Variants in MDGA2 observed in about 807,000 individuals in gnomAD.
The protein encoded by MDGA2 is MAM domain-containing glycosylphosphatidylinositol anchor protein 2.
A neutral mutation model predicts 117.8 loss-of-function variants in MDGA2; 40 were observed. The ratio of observed to expected loss-of-function variants is 0.34; its 90% CI spans 0.26 to 0.44. MDGA2 has a LOEUF of 0.44. MDGA2 is among the 20% of genes least tolerant of loss of function. The probability of loss-of-function intolerance (pLI) is 1.00; values close to 1 mark genes in which losing one functional copy is unlikely to be tolerated. For missense variants in MDGA2, 1,123 were observed against 1,250.6 expected, an observed-to-expected ratio of 0.90 and a Z score of 1.54; for synonymous variants, 452 against 439.0, an observed-to-expected ratio of 1.03 and a Z score of -0.37.
At chr14:47,223,229 A>C (rs1267345733) in intron 2 of MDGA2, among the ~76,000 whole-genome samples, 2 of 152,192 alleles carry the variant, frequency 1.3e-5, no homozygotes, top group Non-Finnish European at 2.9e-5. Context: ...ATAAAATTCA[A>C]GTTAAGGTGG....
At chr14:47,219,001 C>G (rs1298548011) in intron 2 of MDGA2, among the ~76,000 whole-genome samples, 1 of 151,830 alleles carries the variant, frequency 6.6e-6, no homozygotes, top group African/African-American at 2.4e-5. Context: ...GTGTATAAAA[C>G]CTGAATAAAA....
chr14:47,288,847 T>C (rs1888778040), intron 2 of MDGA2, among the ~76,000 whole-genome samples: 1 of 152,140 alleles, frequency 6.6e-6, no homozygotes, highest in South Asian at 2.1e-4. Context: ...TTTCCTTGTG[T>C]AGTATAAGTT....
At chr14:47,450,374 G>C (rs1191571789) in intron 1 of MDGA2, among the ~76,000 whole-genome samples, 1 of 151,910 alleles carries the variant, frequency 6.6e-6, no homozygotes, top group Non-Finnish European at 1.5e-5. Flanking sequence ...TCACAGATCA[G>C]ACTTAAATGA....
chr14:47,444,044 T>C (rs1893069722), intron 1 of MDGA2: 1 of 153,452 alleles, frequency 6.5e-6, no homozygotes, highest in African/African-American at 2.4e-5. Context: ...GAAGTACACG[T>C]TTATTTTACT....
intron 1 of MDGA2, among the ~76,000 whole-genome samples, chr14:47,466,550 C>G (rs1189902083): frequency 6.6e-6 from 1 of 152,090 alleles, no homozygotes; most frequent in African/African-American, 2.4e-5. Context: ...ATTCCAGCCT[C>G]TCTGTGACAA....
intron 1 of MDGA2, among the ~76,000 whole-genome samples, chr14:47,491,053 TAGATAGATAAACAA>T (rs1275175069): frequency 2.0e-5 from 3 of 152,140 alleles, no homozygotes; most frequent in African/African-American, 7.2e-5. Flanking sequence ...GATAGAGGAT[TAGATAGATAAACAA>T]ATCTAATCAC....
intron 4 of MDGA2, among the ~76,000 whole-genome samples, chr14:47,134,774 A>T (rs928580538): frequency 1.3e-4 from 19 of 141,688 alleles, no homozygotes; most frequent in African/African-American, 4.5e-4. Context: ...ACACACACAC[A>T]CACTATATAT....
intron 1 of MDGA2, among the ~76,000 whole-genome samples, chr14:47,624,118 C>T (rs1897098258): frequency 6.6e-6 from 1 of 152,152 alleles, no homozygotes; most frequent in African/African-American, 2.4e-5. Context: ...AAAATATGTG[C>T]TCACAACGTA....
intron 1 of MDGA2, among the ~76,000 whole-genome samples, chr14:47,620,769 G>T (rs1348542173): frequency 6.6e-6 from 1 of 152,126 alleles, no homozygotes; most frequent in African/African-American, 2.4e-5. Context: ...CAGTCTTTTG[G>T]AATAGCAAAC....
At chr14:47,481,640 C>T (rs926616790) in intron 1 of MDGA2, among the ~76,000 whole-genome samples, 2 of 151,938 alleles carry the variant, frequency 1.3e-5, no homozygotes, top group African/African-American at 2.4e-5. Context: ...TTATGATCCA[C>T]TAAATTAAGT....
At chr14:47,177,328 G>A (rs1178704221) in intron 3 of MDGA2, among the ~76,000 whole-genome samples, 3 of 152,082 alleles carry the variant, frequency 2.0e-5, no homozygotes, top group African/African-American at 7.2e-5. Flanking sequence ...TATAAATCAT[G>A]CTGCTATAAA....
intron 1 of MDGA2, among the ~76,000 whole-genome samples, chr14:47,522,372 T>TGTGTATATACACAC (rs60971088): frequency 2.7e-5 from 4 of 150,236 alleles, no homozygotes; most frequent in East Asian, 2.0e-4. Context: ...TGTGTATATA[T>TGTGTATATACACAC]ACACACACAC....
At chr14:47,409,559 G>T (rs1361774918) in intron 1 of MDGA2, among the ~76,000 whole-genome samples, 1 of 152,082 alleles carries the variant, frequency 6.6e-6, no homozygotes, top group East Asian at 1.9e-4. Context: ...CTAATAAAAA[G>T]CTACATGCTG....
chr14:46,990,711 T>A (rs868644135), intron 8 of MDGA2, among the ~76,000 whole-genome samples: 3 of 151,974 alleles, frequency 2.0e-5, no homozygotes, highest in Admixed American at 6.6e-5. Context: ...TAGATCCAGA[T>A]AGATAATAAA....
chr14:47,521,980 T>C (rs1257507711), intron 1 of MDGA2, among the ~76,000 whole-genome samples: 1 of 152,074 alleles, frequency 6.6e-6, no homozygotes, highest in Non-Finnish European at 1.5e-5. Context: ...CCCATAGGCA[T>C]GTTTATACTT....
intron 6 of MDGA2, among the ~76,000 whole-genome samples, chr14:47,077,993 C>A (rs750128580): frequency 3.9e-5 from 6 of 151,972 alleles, no homozygotes; most frequent in African/African-American, 2.4e-5. Flanking sequence ...TTAGTGTAGG[C>A]TTAAAACATC....
intron 1 of MDGA2, among the ~76,000 whole-genome samples, chr14:47,319,981 C>A (rs566964798): frequency 1.1e-4 from 17 of 152,186 alleles, no homozygotes; most frequent in African/African-American, 3.9e-4. Flanking sequence ...CACAGACAAG[C>A]ACACAAGAAG....
chr14:47,539,013 A>C (rs1247354762), intron 1 of MDGA2, among the ~76,000 whole-genome samples: 1 of 152,220 alleles, frequency 6.6e-6, no homozygotes, highest in Non-Finnish European at 1.5e-5. Context: ...ATAGTGGAGA[A>C]GTCTGCTGAA....
chr14:47,636,555 G>A (rs1204970260), intron 1 of MDGA2, among the ~76,000 whole-genome samples: 7 of 152,002 alleles, frequency 4.6e-5, no homozygotes, highest in African/African-American at 1.5e-4. Context: ...AGGCCAAGGT[G>A]GGCAGATCAC....
Sources: gnomAD v4.1 joint callset for allele counts (sites outside exome capture counted in the v4.1 genomes callset) on GRCh38, gnomAD v4.1.1 for gene constraint, MANE v1.5 for transcripts, NCBI Gene and HGNC (gene_info 2026-07-23, HGNC 2026-07-21) for gene names.